The following HDAC9 variants were observed in gnomAD, a reference collection of about 807,000 sequenced individuals.
The protein encoded by HDAC9 is MEF-2 interacting transcription repressor (MITR) protein.
A neutral mutation model predicts 139.4 loss-of-function variants in HDAC9; 41 were observed. That is an observed-to-expected ratio of 0.29 (90% CI 0.23 to 0.38). The LOEUF is 0.38. HDAC9 is among the 10% of genes least tolerant of loss of function. The pLI is 1.00. For synonymous variants in HDAC9, 517 were observed against 476.2 expected, an observed-to-expected ratio of 1.09 and a Z score of -1.12; for missense variants, 1,147 against 1,297.0, an observed-to-expected ratio of 0.88 and a Z score of 1.78.
At chr7:18,199,950 G>GA (rs976415364) in intron 2 of HDAC9, among the ~76,000 whole-genome samples, 4 of 151,378 alleles carry the variant, frequency 2.6e-5, no homozygotes, top group East Asian at 1.9e-4. Flanking sequence ...AACAGAGAGA[G>GA]AAAAAAAATA....
chr7:18,750,053 GT>G (rs1562911505), intron 14 of HDAC9, among the ~76,000 whole-genome samples: 1 of 152,204 alleles, frequency 6.6e-6, no homozygotes, highest in East Asian at 1.9e-4. Context: ...TTCAACTTAG[GT>G]TTAAACTGAG....
At chr7:18,756,383 A>G (rs1788878491) in intron 14 of HDAC9, among the ~76,000 whole-genome samples, 1 of 152,216 alleles carries the variant, frequency 6.6e-6, no homozygotes, top group African/African-American at 2.4e-5. Flanking sequence ...CAGGATAGGA[A>G]TATGAGCTGT....
chr7:18,208,572 C>T (rs1034733253), intron 2 of HDAC9, among the ~76,000 whole-genome samples: 8 of 152,002 alleles, frequency 5.3e-5, no homozygotes, highest in East Asian at 3.9e-4. Flanking sequence ...GACTGGCTTT[C>T]GCCATGTTGG....
At chr7:18,630,672 T>G (rs1782070451) in intron 7 of HDAC9, among the ~76,000 whole-genome samples, 1 of 151,996 alleles carries the variant, frequency 6.6e-6, no homozygotes, top group Non-Finnish European at 1.5e-5. Context: ...TTTACTAGAG[T>G]TTATATGTAT....
chr7:18,921,889 T>C (rs1585315874), intron 22 of HDAC9, among the ~76,000 whole-genome samples: 2 of 152,266 alleles, frequency 1.3e-5, no homozygotes, highest in African/African-American at 4.8e-5. Context: ...TATGGAATAC[T>C]ATGCAGCCAT....
At chr7:18,787,135 C>G (rs1791893150) in intron 16 of HDAC9, among the ~76,000 whole-genome samples, 1 of 152,072 alleles carries the variant, frequency 6.6e-6, no homozygotes, top group African/African-American at 2.4e-5. Flanking sequence ...ATTAGATAGA[C>G]AGGACTCTGG....
At chr7:18,322,518 C>T (rs968189824) in intron 1 of HDAC9, among the ~76,000 whole-genome samples, 6 of 152,136 alleles carry the variant, frequency 3.9e-5, no homozygotes, top group Non-Finnish European at 2.9e-5. Flanking sequence ...TGATATACCG[C>T]GTCCCTTATC....
At chr7:18,910,078 G>C (rs1420048414) in intron 22 of HDAC9, among the ~76,000 whole-genome samples, 1 of 151,744 alleles carries the variant, frequency 6.6e-6, no homozygotes, top group Non-Finnish European at 1.5e-5. Flanking sequence ...TGTTGTATTG[G>C]GATCAATCTC....
chr7:18,143,935 A>AT (rs1786099599), intron 1 of HDAC9, among the ~76,000 whole-genome samples: 1 of 152,156 alleles, frequency 6.6e-6, no homozygotes, highest in East Asian at 1.9e-4. Flanking sequence ...GAAGAAAAAA[A>AT]GCCTAAATCG....
At chr7:18,709,507 C>A (rs1039118044) in intron 12 of HDAC9, among the ~76,000 whole-genome samples, 2 of 151,968 alleles carry the variant, frequency 1.3e-5, no homozygotes, top group African/African-American at 4.8e-5. Context: ...TAAATTATAT[C>A]TATTTAACAA....
chr7:18,193,054 A>G (rs1300886597), intron 2 of HDAC9, among the ~76,000 whole-genome samples: 1 of 152,126 alleles, frequency 6.6e-6, no homozygotes, highest in East Asian at 1.9e-4. Context: ...TGCATCTTTT[A>G]CAATTTTTCA....
chr7:18,185,294 C>T (rs991241288), intron 2 of HDAC9, among the ~76,000 whole-genome samples: 3 of 152,186 alleles, frequency 2.0e-5, no homozygotes, highest in Non-Finnish European at 2.9e-5. Flanking sequence ...ACCAGGACCA[C>T]CACCTCAATG....
At chr7:18,105,142 ACATCTAG>A (rs1783120303) in intron 1 of HDAC9, among the ~76,000 whole-genome samples, 23 of 80,892 alleles carry the variant, frequency 2.8e-4, no homozygotes, top group Non-Finnish European at 5.2e-4. Flanking sequence ...GATTTCATCT[ACATCTAG>A]GATGCTTTCT....
At chr7:18,835,737 C>A in intron 20 of HDAC9, 151 bp downstream of exon 20, 1 of 1,133,804 alleles carries the variant, frequency 8.8e-7, no homozygotes, top group Admixed American at 1.8e-5. Context: ...CAGTGCAGAA[C>A]AAGTGCATAA....
intron 1 of HDAC9, among the ~76,000 whole-genome samples, chr7:18,399,081 A>G (rs987932369): frequency 6.6e-6 from 1 of 152,158 alleles, no homozygotes; most frequent in East Asian, 1.9e-4. Flanking sequence ...TCCTTTGCCC[A>G]CTGCTCTGTG....
chr7:18,311,308 A>G (rs947647100), intron 1 of HDAC9, among the ~76,000 whole-genome samples: 9 of 152,128 alleles, frequency 5.9e-5, no homozygotes, highest in Non-Finnish European at 1.2e-4. Context: ...GTACATATAT[A>G]CTTCCTTTAT....
At chr7:18,189,875 A>G (rs1188261711) in intron 2 of HDAC9, among the ~76,000 whole-genome samples, 3 of 152,080 alleles carry the variant, frequency 2.0e-5, no homozygotes, top group Non-Finnish European at 4.4e-5. Context: ...TGTGAGCACA[A>G]TGTGAAACAC....
At chr7:18,794,084 C>G (rs1325323723) in intron 17 of HDAC9, among the ~76,000 whole-genome samples, 1 of 152,212 alleles carries the variant, frequency 6.6e-6, no homozygotes. Flanking sequence ...AGAGACCTGA[C>G]AGACGTTGAC....
chr7:18,224,713 G>A (rs1271326729), intron 2 of HDAC9, among the ~76,000 whole-genome samples: 1 of 152,024 alleles, frequency 6.6e-6, no homozygotes, highest in Non-Finnish European at 1.5e-5. Context: ...TACAAAGCGT[G>A]ACCAAAGATT....
Sources: allele counts gnomAD v4.1 joint callset (sites outside exome capture counted in the v4.1 genomes callset), GRCh38; gene constraint gnomAD v4.1.1; transcripts MANE v1.5; gene names NCBI Gene and HGNC (gene_info 2026-07-23, HGNC 2026-07-21).